Variants in PARP8 observed in about 807,000 individuals in gnomAD.
The protein encoded by PARP8 is protein mono-ADP-ribosyltransferase PARP8.
A neutral mutation model predicts 124.1 loss-of-function variants in PARP8; 51 were observed. That is an observed-to-expected ratio of 0.41 (90% CI 0.33 to 0.52). The LOEUF is 0.52. Ranked by LOEUF, PARP8 falls within the 20% of genes least tolerant of loss-of-function variation. The pLI is 0.21. For synonymous variants in PARP8, 391 were observed against 361.5 expected, an observed-to-expected ratio of 1.08 and a Z score of -0.93; for missense variants, 860 against 1,018.9, an observed-to-expected ratio of 0.84 and a Z score of 2.12.
In PARP8 at chr5:50,795,378, T is replaced by C. The variant is rs1742424566; in HGVS notation, c.1389T>C (p.Gly463=). ...TCTCTCTTACCTCAGGGCTTATTGG[T>C]ATCCTAACACCATCTTCATCTTCAT... ...RRLSLTSGLI[G]ILTPSSSSSS... Residue 463 remains glycine, a synonymous_variant, in exon 12 of 26, where the codon GGT becomes GGC. Transcript: ENST00000281631. The C allele has an allele frequency of 1.9e-6, 3 of 1,612,006 alleles. No individual in the cohort carries two copies. In the South Asian group the frequency reaches 3.3e-5, roughly 18 times the overall value.
intron 2 of PARP8, among the ~76,000 whole-genome samples, chr5:50,720,841 GAATCTTTGAAA>G (rs1452499779): frequency 6.6e-6 from 1 of 151,844 alleles, no homozygotes; most frequent in East Asian, 1.9e-4. Context: ...ATTTGACATG[GAATCTTTGAAA>G]ATGGGAAAGG....
At chr5:50,800,128 G>A (rs26066) in intron 14 of PARP8, among the ~76,000 whole-genome samples, 14,997 of 152,052 alleles carry the variant, frequency 0.099, 797 homozygotes, top group South Asian at 0.16. Flanking sequence ...CTATTTTGTA[G>A]TTTTCAGCAT....
rs576337416 is a variant in PARP8, at chr5:50,827,764, A to C, written c.1978-180A>C. 2.4e-4 allele frequency among the ~76,000 whole-genome samples: 37 copies of C among 152,280 alleles called. 1 individual carries two copies. The South Asian group carries it at 7.7e-3, about 32-fold the overall frequency. ...TTCTTCATATTTGCAATTCCATGTG[A>C]CTTATCACTTGCGTAGAGTTTTAAA... On this transcript the variant is annotated intron_variant, in intron 19 of 25. Transcript: ENST00000281631.
intron 2 of PARP8, among the ~76,000 whole-genome samples, chr5:50,726,746 T>C (rs1398527956): frequency 6.6e-6 from 1 of 152,138 alleles, no homozygotes; most frequent in Non-Finnish European, 1.5e-5. Flanking sequence ...CATATGCAAG[T>C]ACAAAGGAGA....
rs1451638847 is a variant in PARP8 at position 50,843,735 on chromosome 5, T to C, written c.*1667T>C. The stretch of plus-strand genomic sequence containing the variant: ...TGTTTTGTGACCACTTATTTGAAGA[T>C]TAGTGTGGGACATGAGGACCTTGCT... On this transcript the variant is annotated 3_prime_UTR_variant, in exon 26 of 26. Transcript: ENST00000281631. 6.6e-6 allele frequency: 1 copy of C among 151,794 alleles called. No individual in the cohort carries two copies. The highest frequency in any genetic ancestry group is 1.5e-5 in the Non-Finnish European group (1 of 67,818). 9.4% of individuals were successfully genotyped at this position (151,794 alleles called of 1,614,324 possible).
intron 25 of PARP8, 70 bp from the exon 26 acceptor site, chr5:50,841,896 G>A: frequency 3.7e-6 from 4 of 1,070,558 alleles, no homozygotes; most frequent in South Asian, 1.5e-5. Context: ...GTATCAAATA[G>A]CATTTCTAAG....
At chr5:50,673,561 G>C (rs576270916) in intron 2 of PARP8, among the ~76,000 whole-genome samples, 1 of 152,286 alleles carries the variant, frequency 6.6e-6, no homozygotes, top group East Asian at 1.9e-4. Context: ...GTAAGTTACA[G>C]TTAGTAAGAG....
intron 7 of PARP8, among the ~76,000 whole-genome samples, chr5:50,768,811 C>T (rs539495490): frequency 5.2e-4 from 79 of 152,228 alleles, no homozygotes; most frequent in African/African-American, 1.8e-3. Context: ...AAACTGTAAT[C>T]ACGCTTTGTA....
intron 10 of PARP8, among the ~76,000 whole-genome samples, chr5:50,790,366 C>G (rs1242530275): frequency 1.3e-5 from 2 of 152,036 alleles, no homozygotes; most frequent in Non-Finnish European, 2.9e-5. Context: ...TGCATTGTGC[C>G]CATATCCTGC....
At chr5:50,826,917 C>T (rs944000490) in intron 19 of PARP8, 114 bp downstream of exon 19, 42 of 1,397,608 alleles carry the variant, frequency 3.0e-5, no homozygotes, top group Non-Finnish European at 5.7e-6. Context: ...TGAAGTAAAC[C>T]CAGGTTAAAT....
intron 2 of PARP8, chr5:50,744,858 C>A (rs1758386504): frequency 1.5e-6 from 1 of 678,630 alleles, no homozygotes; most frequent in South Asian, 1.6e-5. Flanking sequence ...TTCACTTATG[C>A]TTCTTGACAA....
intron 2 of PARP8, among the ~76,000 whole-genome samples, chr5:50,672,426 T>A (rs1379107229): frequency 6.6e-6 from 1 of 152,196 alleles, no homozygotes; most frequent in Non-Finnish European, 1.5e-5. Context: ...TTTCCTGGCC[T>A]AAATGACCAG....
chr5:50,690,058 C>T (rs1427543108), intron 2 of PARP8, among the ~76,000 whole-genome samples: 4 of 152,206 alleles, frequency 2.6e-5, no homozygotes, highest in Non-Finnish European at 5.9e-5. Flanking sequence ...GGAGACTTTT[C>T]TCTCCTCTGC....
chr5:50,773,018 G>T (rs1400562851), intron 7 of PARP8, among the ~76,000 whole-genome samples: 1 of 152,138 alleles, frequency 6.6e-6, no homozygotes, highest in Non-Finnish European at 1.5e-5. Context: ...TTTAAAGTCA[G>T]ATTATTTGTT....
intron 2 of PARP8, among the ~76,000 whole-genome samples, chr5:50,731,393 G>A (rs1756961073): frequency 1.3e-5 from 2 of 152,174 alleles, no homozygotes; most frequent in African/African-American, 4.8e-5. Context: ...TGAGTCAAAT[G>A]AAAATGTAAA....
intron 14 of PARP8, among the ~76,000 whole-genome samples, chr5:50,814,804 A>T (rs1744905473): frequency 6.6e-6 from 1 of 152,194 alleles, no homozygotes; most frequent in Admixed American, 6.6e-5. Flanking sequence ...AAGATAAATC[A>T]GAGGAATGAC....
chr5:50,839,008 T>A (rs1747884395), intron 25 of PARP8, among the ~76,000 whole-genome samples: 2 of 152,006 alleles, frequency 1.3e-5, no homozygotes, highest in South Asian at 4.1e-4. Flanking sequence ...TTTTAATTTG[T>A]AGAGATGAGG....
At chr5:50,724,076 C>T (rs1466297509) in intron 2 of PARP8, among the ~76,000 whole-genome samples, 4 of 152,096 alleles carry the variant, frequency 2.6e-5, no homozygotes, top group African/African-American at 9.7e-5. Context: ...CCCTACTCGG[C>T]CTCCTGAGTA....
Position 50,667,798 on chromosome 5 carries a change from C to T in PARP8, c.92-273C>T, listed in dbSNP as rs572025133. ...GATTTTGCTTTCGCTACCGCGAGCC[C>T]GGCTGAGGCTGCTTCCGGCCTCCCC... On this transcript the variant is annotated intron_variant, in intron 1 of 25. Transcript: ENST00000281631. 66 of 964,974 alleles carry T rather than the reference C, an allele frequency of 6.8e-5. No individual in the cohort carries two copies. In the African/African-American group the frequency reaches 9.5e-4, roughly 14 times the overall value. 59.8% of individuals were successfully genotyped at this position (964,974 alleles called of 1,614,324 possible). A position where few individuals can be genotyped will look rare whatever the true frequency, so the allele number is the denominator to read the frequency against.
Sources: gnomAD v4.1 joint callset for allele counts (sites outside exome capture counted in the v4.1 genomes callset) on GRCh38, gnomAD v4.1.1 for gene constraint, MANE v1.5 for transcripts, NCBI Gene and HGNC (gene_info 2026-07-23, HGNC 2026-07-21) for gene names.